The following ERBB4 variants were observed in gnomAD, a reference collection of about 807,000 sequenced individuals.
The protein encoded by ERBB4 is receptor tyrosine-protein kinase erbB-4.
A neutral mutation model predicts 158.0 loss-of-function variants in ERBB4; 42 were observed. The observed-to-expected ratio is 0.27, with a 90% CI of 0.21 to 0.34. The LOEUF (loss-of-function observed/expected upper bound fraction) is 0.34, where lower values mean the gene tolerates loss of function less well. Ranked by LOEUF, ERBB4 falls within the 10% of genes least tolerant of loss-of-function variation. The probability of loss-of-function intolerance (pLI) is 1.00; values close to 1 mark genes in which losing one functional copy is unlikely to be tolerated. For synonymous variants in ERBB4, 583 were observed against 558.7 expected, an observed-to-expected ratio of 1.04 and a Z score of -0.61; for missense variants, 1,333 against 1,624.1, an observed-to-expected ratio of 0.82 and a Z score of 3.08.
At chr2:211,646,668 A>G (rs2070790797) in intron 16 of ERBB4, among the ~76,000 whole-genome samples, 1 of 151,698 alleles carries the variant, frequency 6.6e-6, no homozygotes, top group South Asian at 2.1e-4. Context: ...AGTAATTGTT[A>G]TATATCAGCA....
chr2:211,979,691 T>A lies in ERBB4; in HGVS notation c.235-32075A>T, dbSNP rs148450204. Among the ~76,000 whole-genome samples, 42 of 152,292 alleles carry A rather than the reference T, an allele frequency of 2.8e-4. No individual in the cohort carries two copies. In the East Asian group the frequency reaches 7.3e-3, roughly 27 times the overall value. On this transcript the variant is annotated intron_variant, in intron 2 of 27. Coordinates refer to ENST00000342788, the MANE Select transcript of ERBB4 (RefSeq NM_005235.3). ...CCTGCCATAATACACATTATACTGT[T>A]TTATTAGGTTCAGTGAAATGTTTAA...
chr2:212,404,728 T>G (rs2091298513), intron 1 of ERBB4, among the ~76,000 whole-genome samples: 1 of 151,924 alleles, frequency 6.6e-6, no homozygotes, highest in African/African-American at 2.4e-5. Context: ...AGGTTTGCAG[T>G]ACAGATTATT....
intron 20 of ERBB4, among the ~76,000 whole-genome samples, chr2:211,513,336 C>A (rs946762110): frequency 8.2e-6 from 1 of 122,496 alleles, no homozygotes; most frequent in East Asian, 2.5e-4. Flanking sequence ...CCGGCCTGGG[C>A]GACAGAGCGA....
chr2:211,595,763 G>C (rs1173651490), intron 19 of ERBB4, among the ~76,000 whole-genome samples: 1 of 152,136 alleles, frequency 6.6e-6, no homozygotes, highest in African/African-American at 2.4e-5. Flanking sequence ...AACTAGTACT[G>C]CAATATAGTA....
chr2:212,192,019 A>G (rs1225785681), intron 1 of ERBB4, among the ~76,000 whole-genome samples: 1 of 21,426 alleles, frequency 4.7e-5, no homozygotes, highest in Non-Finnish European at 1.2e-4. Flanking sequence ...TATATGTTAT[A>G]TGTTATATAT....
At chr2:211,579,191 T>C (rs920322953) in intron 19 of ERBB4, among the ~76,000 whole-genome samples, 8 of 151,642 alleles carry the variant, frequency 5.3e-5, no homozygotes, top group African/African-American at 1.7e-4. Context: ...CCAACAAACA[T>C]ACAAAAAAAG....
chr2:211,817,802 G>A lies in ERBB4; in HGVS notation c.422-29643C>T, dbSNP rs530969115. ...CATTTCCTGTTCCTCAAGGCCACAT[G>A]ATTGAAAACCATCTTCAATTGTACA... On this transcript the variant is annotated intron_variant, in intron 3 of 27. Coordinates refer to ENST00000342788, the MANE Select transcript of ERBB4 (RefSeq NM_005235.3). 3.9e-5 allele frequency among the ~76,000 whole-genome samples: 6 copies of A among 152,252 alleles called. No individual in the cohort carries two copies. In the East Asian group the frequency reaches 1.2e-3, roughly 29 times the overall value.
At chr2:212,234,987 C>T (rs981086692) in intron 1 of ERBB4, among the ~76,000 whole-genome samples, 1 of 152,140 alleles carries the variant, frequency 6.6e-6, no homozygotes, top group Non-Finnish European at 1.5e-5. Context: ...AATTAGATTG[C>T]ATTTATCAAT....
chr2:212,488,228 C>T (rs1205193149), intron 1 of ERBB4, among the ~76,000 whole-genome samples: 1 of 151,996 alleles, frequency 6.6e-6, no homozygotes, highest in Non-Finnish European at 1.5e-5. Flanking sequence ...CTTGGAATCA[C>T]CATTTGCAAC....
intron 19 of ERBB4, among the ~76,000 whole-genome samples, chr2:211,588,509 AATAATT>A (rs2068359264): frequency 1.3e-5 from 2 of 152,192 alleles, no homozygotes; most frequent in Admixed American, 6.5e-5. Flanking sequence ...TTTGACTAAT[AATAATT>A]ATAACTGACA....
At chr2:212,119,886 T>C (rs2079692504) in intron 2 of ERBB4, among the ~76,000 whole-genome samples, 1 of 152,152 alleles carries the variant, frequency 6.6e-6, no homozygotes, top group Non-Finnish European at 1.5e-5. Flanking sequence ...AACATTAAAA[T>C]TATTTAAAAG....
chr2:212,033,420 G>C (rs1196205297), intron 2 of ERBB4, among the ~76,000 whole-genome samples: 1 of 151,666 alleles, frequency 6.6e-6, no homozygotes, highest in Non-Finnish European at 1.5e-5. Flanking sequence ...TAAAACTGAT[G>C]ATAAACAATT....
At chr2:211,444,953 T>A (rs1298627723) in intron 20 of ERBB4, among the ~76,000 whole-genome samples, 1 of 152,056 alleles carries the variant, frequency 6.6e-6, no homozygotes, top group African/African-American at 2.4e-5. Context: ...GAAAATTAAA[T>A]ATTTAAATTT....
chr2:211,712,021 A>G, intron 9 of ERBB4, 29 bp downstream of exon 9: 1 of 1,596,888 alleles, frequency 6.3e-7, no homozygotes, highest in Non-Finnish European at 8.6e-7. Flanking sequence ...CACTTTGTAA[A>G]ATAACTTGCA....
chr2:212,218,977 G>A (rs996996390), intron 1 of ERBB4, among the ~76,000 whole-genome samples: 7 of 150,978 alleles, frequency 4.6e-5, no homozygotes, highest in Non-Finnish European at 7.4e-5. Flanking sequence ...CCACTCAAAC[G>A]TAAATCTACA....
At chr2:212,227,975 A>C (rs2083531243) in intron 1 of ERBB4, among the ~76,000 whole-genome samples, 1 of 152,210 alleles carries the variant, frequency 6.6e-6, no homozygotes. Context: ...TCTGCCAATC[A>C]AGCTGAGCTT....
intron 1 of ERBB4, among the ~76,000 whole-genome samples, chr2:212,478,393 T>C (rs923101429): frequency 2.6e-5 from 4 of 152,054 alleles, no homozygotes; most frequent in African/African-American, 7.2e-5. Context: ...CTATTTGAAC[T>C]ACGAAATCCC....
chr2:211,773,614 AT>A (rs1474098932), intron 4 of ERBB4, among the ~76,000 whole-genome samples: 1 of 42,662 alleles, frequency 2.3e-5, no homozygotes, highest in Non-Finnish European at 4.5e-5. Flanking sequence ...ATATATATAT[AT>A]ATATATATAT....
At chr2:212,134,852 T>G (rs1314344174) in intron 1 of ERBB4, among the ~76,000 whole-genome samples, 2 of 151,670 alleles carry the variant, frequency 1.3e-5, no homozygotes, top group South Asian at 4.1e-4. Context: ...CCTGGCTAAT[T>G]TTTTTTGTAT....
Sources: gnomAD v4.1 joint callset for allele counts (sites outside exome capture counted in the v4.1 genomes callset) on GRCh38, gnomAD v4.1.1 for gene constraint, MANE v1.5 for transcripts, NCBI Gene and HGNC (gene_info 2026-07-23, HGNC 2026-07-21) for gene names.